The following NXPH2 variants were observed in gnomAD, a reference collection of about 807,000 sequenced individuals.
NXPH2 encodes the protein neurexophilin-2.
NXPH2 carries 5 observed loss-of-function variants against 19.8 expected under a neutral mutation model. The ratio of observed to expected loss-of-function variants is 0.25; its 90% CI spans 0.13 to 0.53. The LOEUF (loss-of-function observed/expected upper bound fraction) is 0.53, where lower values mean the gene tolerates loss of function less well. Among genes scored for constraint, NXPH2 ranks in the 20% least tolerant of loss-of-function variants. NXPH2 has a pLI of 0.96. For synonymous variants in NXPH2, 154 were observed against 127.4 expected (o/e 1.21, Z -1.41); for missense variants, 289 against 322.8 (o/e 0.90, Z 0.80).
chr2:138,779,987 T>C (rs1682324932), intron 1 of NXPH2, among the ~76,000 whole-genome samples: 1 of 152,162 alleles, frequency 6.6e-6, no homozygotes, highest in Non-Finnish European at 1.5e-5. Context: ...GCTAAGCCCC[T>C]GAGTCGCCTG....
chr2:138,694,132 A>T (rs1334003927), intron 1 of NXPH2, among the ~76,000 whole-genome samples: 1 of 152,158 alleles, frequency 6.6e-6, no homozygotes, highest in Non-Finnish European at 1.5e-5. Context: ...TAACCAGCCA[A>T]ATAATTGCTT....
chr2:138,751,434 A>G (rs1250690717), intron 1 of NXPH2, among the ~76,000 whole-genome samples: 1 of 152,172 alleles, frequency 6.6e-6, no homozygotes, highest in South Asian at 2.1e-4. Context: ...TGTGCTTTGA[A>G]TTGCCTTTTA....
intron 1 of NXPH2, among the ~76,000 whole-genome samples, chr2:138,745,087 A>G (rs1441466422): frequency 6.6e-6 from 1 of 152,172 alleles, no homozygotes; most frequent in Non-Finnish European, 1.5e-5. Flanking sequence ...TGCTGCCCCT[A>G]AGACTAACCT....
At chr2:138,762,983 T>G (rs1682041113) in intron 1 of NXPH2, among the ~76,000 whole-genome samples, 1 of 152,230 alleles carries the variant, frequency 6.6e-6, no homozygotes, top group Non-Finnish European at 1.5e-5. Flanking sequence ...TAAGTTACAG[T>G]GCTTATAAGC....
intron 1 of NXPH2, among the ~76,000 whole-genome samples, chr2:138,737,110 C>T (rs576815574): frequency 1.3e-5 from 2 of 152,320 alleles, no homozygotes; most frequent in African/African-American, 4.8e-5. Context: ...CCAACCTCTG[C>T]CTGTTACCCA....
At chr2:138,774,566 A>G (rs1682230366) in intron 1 of NXPH2, among the ~76,000 whole-genome samples, 1 of 152,240 alleles carries the variant, frequency 6.6e-6, no homozygotes, top group African/African-American at 2.4e-5. Flanking sequence ...GATGTTAAAA[A>G]CAAATTTTTA....
intron 1 of NXPH2, among the ~76,000 whole-genome samples, chr2:138,746,417 C>A (rs1681734513): frequency 6.6e-6 from 1 of 151,920 alleles, no homozygotes; most frequent in Non-Finnish European, 1.5e-5. Flanking sequence ...GAGGAACTGG[C>A]CAAAGCTTTC....
At chr2:138,762,925 T>C (rs1438681544) in intron 1 of NXPH2, among the ~76,000 whole-genome samples, 1 of 152,242 alleles carries the variant, frequency 6.6e-6, no homozygotes, top group Non-Finnish European at 1.5e-5. Context: ...ATATGCACAA[T>C]TATGTTTCAT....
At chr2:138,759,025 G>A (rs1192677918) in intron 1 of NXPH2, among the ~76,000 whole-genome samples, 1 of 152,134 alleles carries the variant, frequency 6.6e-6, no homozygotes, top group East Asian at 1.9e-4. Context: ...GGGAGTAATA[G>A]ATTGACATTT....
At chr2:138,762,524 T>G (rs1682032577) in intron 1 of NXPH2, among the ~76,000 whole-genome samples, 1 of 152,220 alleles carries the variant, frequency 6.6e-6, no homozygotes, top group African/African-American at 2.4e-5. Flanking sequence ...GGAATTTGCT[T>G]AATGACTTGG....
chr2:138,700,023 C>A (rs1191612094), intron 1 of NXPH2, among the ~76,000 whole-genome samples: 1 of 152,132 alleles, frequency 6.6e-6, no homozygotes, highest in Non-Finnish European at 1.5e-5. Context: ...TCACCAAATT[C>A]TGTTTTCCTA....
At chr2:138,741,211 G>C (rs1023989173) in intron 1 of NXPH2, among the ~76,000 whole-genome samples, 20 of 152,102 alleles carry the variant, frequency 1.3e-4, no homozygotes, top group African/African-American at 4.6e-4. Flanking sequence ...GTTGAGGATG[G>C]GACCAGGGAA....
chr2:138,775,609 A>G (rs571337403), intron 1 of NXPH2, among the ~76,000 whole-genome samples: 1 of 152,230 alleles, frequency 6.6e-6, no homozygotes, highest in African/African-American at 2.4e-5. Flanking sequence ...AACTGGGAAA[A>G]GGTTATCTAA....
chr2:138,759,004 AG>A (rs1681959417), intron 1 of NXPH2, among the ~76,000 whole-genome samples: 1 of 152,160 alleles, frequency 6.6e-6, no homozygotes, highest in African/African-American at 2.4e-5. Context: ...ATTTGTGACC[AG>A]GTATGCTGGG....
chr2:138,746,395 A>G (rs1464761263), intron 1 of NXPH2, among the ~76,000 whole-genome samples: 1 of 151,650 alleles, frequency 6.6e-6, no homozygotes, highest in East Asian at 1.9e-4. Context: ...GAAACTAAGA[A>G]CCTCCCTTGG....
intron 1 of NXPH2, among the ~76,000 whole-genome samples, chr2:138,745,473 T>C (rs891824999): frequency 8.4e-6 from 1 of 118,680 alleles, no homozygotes; most frequent in African/African-American, 3.1e-5. Flanking sequence ...CCTATGCACA[T>C]CCTTTTCTTC....
intron 1 of NXPH2, among the ~76,000 whole-genome samples, chr2:138,675,631 CTT>C (rs1680474420): frequency 6.6e-6 from 1 of 152,064 alleles, no homozygotes. Flanking sequence ...ATGTGACTCT[CTT>C]TAAAAAAATG....
chr2:138,670,762 A>G lies in NXPH2; in HGVS notation c.*160T>C, dbSNP rs530117783. The G allele has an allele frequency of 4.0e-5, 28 of 707,528 alleles. No individual in the cohort carries two copies. In the South Asian group the frequency reaches 7.2e-4, roughly 18 times the overall value. 43.8% of individuals were successfully genotyped at this position (707,528 alleles called of 1,614,324 possible). On this transcript the variant is annotated 3_prime_UTR_variant, in exon 2 of 2. Coordinates refer to ENST00000272641, the MANE Select transcript of NXPH2 (RefSeq NM_007226.3). ...TAGAAAGAAACAAATTTCACACTTA[A>G]AGATGTCTCTTTTTCTTTTTTTAAA...
chr2:138,682,087 C>T (rs1680587982), intron 1 of NXPH2, among the ~76,000 whole-genome samples: 2 of 152,070 alleles, frequency 1.3e-5, no homozygotes, highest in African/African-American at 4.8e-5. Context: ...ACAGTACTGT[C>T]CTATATCCTG....
Sources: gnomAD v4.1 joint callset for allele counts (sites outside exome capture counted in the v4.1 genomes callset) on GRCh38, gnomAD v4.1.1 for gene constraint, MANE v1.5 for transcripts, NCBI Gene and HGNC (gene_info 2026-07-23, HGNC 2026-07-21) for gene names.